TBX20: variants seen among roughly 807,000 people sequenced by gnomAD.
The protein encoded by TBX20 is T-box transcription factor TBX20.
In TBX20, 8 loss-of-function variants were observed where a neutral mutation model predicts 42.9. The ratio of observed to expected loss-of-function variants is 0.19; its 90% CI spans 0.11 to 0.34. The LOEUF is 0.34. Among genes scored for constraint, TBX20 ranks in the 10% least tolerant of loss-of-function variants. The pLI is 1.00. For synonymous variants in TBX20, 198 were observed against 222.8 expected, an observed-to-expected ratio of 0.89 and a Z score of 0.99; for missense variants, 411 against 566.0, an observed-to-expected ratio of 0.73 and a Z score of 2.78.
intron 3 of TBX20, among the ~76,000 whole-genome samples, chr7:35,246,912 AAAAT>A (rs1790200366): frequency 6.6e-6 from 1 of 152,158 alleles, no homozygotes; most frequent in Admixed American, 6.5e-5. Context: ...GATTAATGAA[AAAAT>A]ATACAGGAAG....
chr7:35,248,927 G>A, intron 2 of TBX20, 86 bp from the exon 3 acceptor site: 1 of 1,548,656 alleles, frequency 6.5e-7, no homozygotes, highest in Non-Finnish European at 8.9e-7. Flanking sequence ...GGGAGGGAGG[G>A]AAGGAGGGAA....
intron 4 of TBX20, among the ~76,000 whole-genome samples, chr7:35,242,059 C>G (rs144386702): frequency 7.1e-6 from 1 of 140,858 alleles, no homozygotes; most frequent in Non-Finnish European, 1.6e-5. Context: ...TGACTATAAA[C>G]AGCCTGGCAG....
At chr7:35,232,977 G>T (rs546774192) in intron 5 of TBX20, among the ~76,000 whole-genome samples, 1 of 152,160 alleles carries the variant, frequency 6.6e-6, no homozygotes, top group Admixed American at 6.5e-5. Context: ...CCGAGATCGC[G>T]CCACTGCACT....
intron 6 of TBX20, among the ~76,000 whole-genome samples, chr7:35,220,653 A>G (rs1789667109): frequency 1.3e-5 from 2 of 152,226 alleles, no homozygotes; most frequent in African/African-American, 4.8e-5. Context: ...CTCAGGATCA[A>G]TTTCAGCTCC....
chr7:35,211,035 A>C (rs1789488907), intron 6 of TBX20, among the ~76,000 whole-genome samples: 2 of 151,754 alleles, frequency 1.3e-5, no homozygotes, highest in South Asian at 4.2e-4. Flanking sequence ...TATTAGATAT[A>C]ACTTTCTTTT....
chr7:35,229,448 C>T (rs1789831272), intron 6 of TBX20, among the ~76,000 whole-genome samples: 1 of 152,086 alleles, frequency 6.6e-6, no homozygotes, highest in Non-Finnish European at 1.5e-5. Context: ...AAATGAAATC[C>T]AAAACCTCGG....
At chr7:35,204,243 A>AC (rs1480295562) in intron 7 of TBX20, among the ~76,000 whole-genome samples, 1 of 152,092 alleles carries the variant, frequency 6.6e-6, no homozygotes, top group Middle Eastern at 3.2e-3. Flanking sequence ...TTAAAAAAAA[A>AC]ACAAACCATA....
At chr7:35,246,388 A>G (rs1790186351) in intron 3 of TBX20, among the ~76,000 whole-genome samples, 3 of 152,166 alleles carry the variant, frequency 2.0e-5, no homozygotes, top group African/African-American at 7.2e-5. Context: ...TTATAGGTGC[A>G]ATTGTTTTAC....
intron 6 of TBX20, among the ~76,000 whole-genome samples, chr7:35,226,390 C>A (rs898189435): frequency 3.6e-5 from 4 of 111,514 alleles, no homozygotes; most frequent in Admixed American, 1.1e-4. Context: ...ATTTAGAGAA[C>A]AAGGTGAACA....
chr7:35,209,242 G>T (rs1413213079), intron 6 of TBX20, among the ~76,000 whole-genome samples: 4 of 152,080 alleles, frequency 2.6e-5, no homozygotes, highest in Non-Finnish European at 5.9e-5. Context: ...TTTTCTAGAA[G>T]ATTTCAGGTA....
intron 4 of TBX20, among the ~76,000 whole-genome samples, chr7:35,243,579 AT>A (rs1790122951): frequency 6.6e-6 from 1 of 152,206 alleles, no homozygotes; most frequent in Admixed American, 6.5e-5. Flanking sequence ...AAAAATTTCC[AT>A]TAAAGTTCAA....
Position 35,250,059 on chromosome 7 carries a change from A to T in TBX20, c.272T>A (p.Ile91Asn). The T allele has an allele frequency of 1.2e-6, 2 of 1,613,924 alleles. No individual in the cohort carries two copies. Among genetic ancestry groups the T allele is most frequent in the Non-Finnish European group, 1.7e-6 (2 of 1,179,956 alleles). ...TTTGGCCATTTCCTCACTGGGGATG[A>T]TGGGGGTGGTGGGGATCAGTGGCTC... ...CTEPLIPTTPIIPSEEMAKIA... is the reference protein window; with the variant it reads ...CTEPLIPTTPNIPSEEMAKIA... Residue 91 changes from isoleucine to asparagine, a missense_variant, in exon 2 of 8, where the codon ATC becomes AAC. Physicochemically the swap from Ile to Asn is moderately radical, Grantham distance 149. Around this residue, in one of 5 missense-constraint regions of TBX20, gnomAD observed 114 missense variants for 128.0 expected, o/e 0.89. Coordinates refer to ENST00000408931, the MANE Select transcript of TBX20 (RefSeq NM_001077653.2).
At chr7:35,246,839 AT>A (rs1334591937) in intron 3 of TBX20, among the ~76,000 whole-genome samples, 3 of 152,222 alleles carry the variant, frequency 2.0e-5, no homozygotes, top group Non-Finnish European at 4.4e-5. Flanking sequence ...TAAATTATCT[AT>A]TTTTTATCCC....
intron 6 of TBX20, among the ~76,000 whole-genome samples, chr7:35,226,237 C>A (rs1356208959): frequency 6.6e-6 from 1 of 151,616 alleles, no homozygotes; most frequent in Non-Finnish European, 1.5e-5. Flanking sequence ...AATCAAAGAA[C>A]GAGAGCAACA....
chr7:35,209,860 A>T (rs1562557131), intron 6 of TBX20, among the ~76,000 whole-genome samples: 2 of 152,110 alleles, frequency 1.3e-5, no homozygotes, highest in Non-Finnish European at 2.9e-5. Flanking sequence ...TTTCATTTTT[A>T]TTCAGTTCAA....
rs929203475 is a variant in TBX20 at position 35,253,823 on chromosome 7, G to A, written c.-203C>T. The A allele has an allele frequency of 1.5e-6, 1 of 652,598 alleles. No individual in the cohort carries two copies. Among genetic ancestry groups the A allele is most frequent in the African/African-American group, 1.8e-5 (1 of 54,742 alleles). 40.4% of individuals were successfully genotyped at this position (652,598 alleles called of 1,614,324 possible). ...CCCACCGCAAAGCCCCAGAGCCGCA[G>A]AGACTTCGAAGGCAGCCGGAGAGGA... On this transcript the variant is annotated 5_prime_UTR_variant, in exon 1 of 8. Coordinates refer to ENST00000408931, the MANE Select transcript of TBX20 (RefSeq NM_001077653.2).
intron 3 of TBX20, among the ~76,000 whole-genome samples, chr7:35,248,472 G>A (rs190845773): frequency 5.8e-4 from 89 of 152,286 alleles, no homozygotes; most frequent in Non-Finnish European, 1.1e-3. Context: ...TAAACTTAAA[G>A]ACAGTGTTTT....
intron 6 of TBX20, 146 bp downstream of exon 6, chr7:35,231,358 A>G (rs1789862485): frequency 3.0e-6 from 2 of 662,372 alleles, no homozygotes; most frequent in South Asian, 1.7e-5. Flanking sequence ...AAGCAGTTGC[A>G]TATGTACAAG....
At chr7:35,247,217 T>C (rs1416410279) in intron 3 of TBX20, among the ~76,000 whole-genome samples, 1 of 143,412 alleles carries the variant, frequency 7.0e-6, no homozygotes, top group Non-Finnish European at 1.5e-5. Flanking sequence ...TGGTTAGGAA[T>C]CTGCCAAAAT....
Sources: gnomAD v4.1 joint callset for allele counts (sites outside exome capture counted in the v4.1 genomes callset) on GRCh38, gnomAD v4.1.1 for gene constraint, gnomAD v4.1.1 regional missense constraint, MANE v1.5 for transcripts, NCBI Gene and HGNC (gene_info 2026-07-23, HGNC 2026-07-21) for gene names.